The following MITF variants were observed in gnomAD, a reference collection of about 807,000 sequenced individuals.
The protein encoded by MITF is melanocyte inducing transcription factor, also known as microphthalmia-associated transcription factor.
In MITF, 17 loss-of-function variants were observed where a neutral mutation model predicts 60.5. The ratio of observed to expected loss-of-function variants is 0.28; its 90% CI spans 0.19 to 0.42. The LOEUF (loss-of-function observed/expected upper bound fraction) is 0.42, where lower values mean the gene tolerates loss of function less well. Ranked by LOEUF, MITF falls within the 10% of genes least tolerant of loss-of-function variation. The probability of loss-of-function intolerance (pLI) is 1.00; values close to 1 mark genes in which losing one functional copy is unlikely to be tolerated. For synonymous variants in MITF, 260 were observed against 248.5 expected (o/e 1.05, Z -0.43); for missense variants, 622 against 683.5 (o/e 0.91, Z 1.00).
At chr3:69,746,865 T>C (rs1425046462) in intron 1 of MITF, among the ~76,000 whole-genome samples, 1 of 152,232 alleles carries the variant, frequency 6.6e-6, no homozygotes, top group African/African-American at 2.4e-5. Context: ...CCTCCCGTTC[T>C]ATTGCAAATG....
At chr3:69,964,810 T>C (rs1307013384) in intron 9 of MITF, 37 bp from the exon 10 acceptor site, 1 of 1,607,354 alleles carries the variant, frequency 6.2e-7, no homozygotes, top group South Asian at 1.1e-5. Flanking sequence ...CTCTGTGCTC[T>C]GCCTATTTCA....
intron 2 of MITF, among the ~76,000 whole-genome samples, chr3:69,929,484 C>T (rs1366344566): frequency 6.6e-6 from 1 of 152,080 alleles, no homozygotes; most frequent in African/African-American, 2.4e-5. Flanking sequence ...ACACCATACC[C>T]AGAGATTCTG....
chr3:69,798,291 C>T (rs1336898711), intron 1 of MITF, among the ~76,000 whole-genome samples: 1 of 152,172 alleles, frequency 6.6e-6, no homozygotes, highest in Non-Finnish European at 1.5e-5. Flanking sequence ...CCAGGCAGAT[C>T]GACTTTATTG....
At chr3:69,808,786 C>A (rs148691249) in intron 1 of MITF, among the ~76,000 whole-genome samples, 24 of 152,066 alleles carry the variant, frequency 1.6e-4, no homozygotes, top group African/African-American at 5.3e-4. Flanking sequence ...CCATGGGAAG[C>A]CATTACAGAT....
At chr3:69,755,208 A>G (rs184752016) in intron 1 of MITF, among the ~76,000 whole-genome samples, 46 of 152,342 alleles carry the variant, frequency 3.0e-4, no homozygotes, top group African/African-American at 1.1e-3. Context: ...ATAATGAGAT[A>G]CACTAATTGG....
At position 69,750,344 on chromosome 3, in the gene MITF, T is replaced by A. The variant is rs149392318; in HGVS notation, c.104+10643T>A. ...GGTGCTACCACAACAGTAATATAGA[T>A]CTGATAACAAACTTTCTAGAGGAAA... On this transcript the variant is annotated intron_variant, in intron 1 of 9. Transcript: ENST00000352241. Among the ~76,000 whole-genome samples, 1,282 of 151,310 alleles carry A rather than the reference T, an allele frequency of 8.5e-3. 9 individuals are homozygous for A. Among genetic ancestry groups the A allele is most frequent in the Middle Eastern group, 0.014 (4 of 288 alleles).
intron 1 of MITF, among the ~76,000 whole-genome samples, chr3:69,814,167 G>C (rs1312028991): frequency 6.6e-6 from 1 of 151,740 alleles, no homozygotes; most frequent in Non-Finnish European, 1.5e-5. Flanking sequence ...GTATTCTCAG[G>C]TCAAATAGGA....
At chr3:69,875,144 G>T (rs145266884) in intron 1 of MITF, among the ~76,000 whole-genome samples, 6 of 152,280 alleles carry the variant, frequency 3.9e-5, no homozygotes, top group African/African-American at 1.4e-4. Flanking sequence ...CATGCAGCTC[G>T]GCAGTGACTG....
rs142454075 is a variant in MITF at position 69,825,611 on chromosome 3, T to C, written c.105-53523T>C. On this transcript the variant is annotated intron_variant, in intron 1 of 9. Transcript: ENST00000352241. ...TTCCTTCCACCCTCATATCTTGTGA[T>C]AGGGCCATAGCAGTTGTTCTTTTCT... Among the ~76,000 whole-genome samples the C allele has an allele frequency of 1.1e-3, 166 of 152,318 alleles. No homozygotes were observed. In the Middle Eastern group the frequency reaches 0.017, roughly 16 times the overall value.
chr3:69,892,768 T>C (rs2064787516), intron 2 of MITF, among the ~76,000 whole-genome samples: 1 of 152,238 alleles, frequency 6.6e-6, no homozygotes, highest in Admixed American at 6.5e-5. Flanking sequence ...CCCCCAGCAG[T>C]AGGCCCTTCA....
At chr3:69,781,909 C>G (rs935271426) in intron 1 of MITF, among the ~76,000 whole-genome samples, 5 of 152,212 alleles carry the variant, frequency 3.3e-5, no homozygotes, top group African/African-American at 9.6e-5. Flanking sequence ...TTACTGAGCT[C>G]TGTTCCTGAA....
rs141158074 is a variant in MITF at position 69,762,486 on chromosome 3, G to C, written c.104+22785G>C. Among the ~76,000 whole-genome samples the C allele has an allele frequency of 2.1e-3, 324 of 152,328 alleles. 2 individuals are homozygous for C. The highest frequency in any genetic ancestry group is 7.1e-3 in the African/African-American group (295 of 41,574). On this transcript the variant is annotated intron_variant, in intron 1 of 9. Coordinates refer to ENST00000352241, the MANE Select transcript of MITF (RefSeq NM_001354604.2). ...AAGAAATGTTTAAGATTTCCATTGA[G>C]ATATTATCGACAGGGACTCCTGGGC...
At chr3:69,786,144 C>T (rs1044839056) in intron 1 of MITF, among the ~76,000 whole-genome samples, 2 of 152,178 alleles carry the variant, frequency 1.3e-5, no homozygotes, top group African/African-American at 4.8e-5. Flanking sequence ...GTGGAGTGAG[C>T]TTTGCCAAAG....
chr3:69,853,201 C>G (rs2063855564), intron 1 of MITF, among the ~76,000 whole-genome samples: 1 of 151,794 alleles, frequency 6.6e-6, no homozygotes, highest in Non-Finnish European at 1.5e-5. Flanking sequence ...CAGAGTTTCA[C>G]CATGTCAGAA....
At chr3:69,847,052 T>C (rs966129422) in intron 1 of MITF, among the ~76,000 whole-genome samples, 3 of 152,156 alleles carry the variant, frequency 2.0e-5, no homozygotes, top group African/African-American at 7.2e-5. Flanking sequence ...GACTGTTTCC[T>C]CTTGAGGGCA....
At chr3:69,855,987 T>A (rs1476552017) in intron 1 of MITF, among the ~76,000 whole-genome samples, 1 of 152,216 alleles carries the variant, frequency 6.6e-6, no homozygotes. Flanking sequence ...ACTTTTTCTG[T>A]ATGGAATCAT....
chr3:69,877,812 G>GGT (rs1174269535), intron 1 of MITF, among the ~76,000 whole-genome samples: 1 of 152,002 alleles, frequency 6.6e-6, no homozygotes, highest in African/African-American at 2.4e-5. Flanking sequence ...TTTATTAGAA[G>GGT]GTAAAAGATA....
rs1212921931 is a variant in MITF at position 69,965,881 on chromosome 3, C to A, written c.*633C>A. The A allele has an allele frequency of 4.3e-6, 1 of 230,418 alleles. No individual in the cohort carries two copies. Among genetic ancestry groups the A allele is most frequent in the Non-Finnish European group, 8.6e-6 (1 of 116,670 alleles). 14.3% of individuals were successfully genotyped at this position (230,418 alleles called of 1,614,324 possible). A position where few individuals can be genotyped will look rare whatever the true frequency, so the allele number is the denominator to read the frequency against. ...AAAACATAACTGATACCAACCGAAA[C>A]TGAAGGGAGTTAGACCAAGGCTCTG... On this transcript the variant is annotated 3_prime_UTR_variant, in exon 10 of 10. Coordinates refer to ENST00000352241, the MANE Select transcript of MITF (RefSeq NM_001354604.2).
At chr3:69,809,785 G>A (rs1415420758) in intron 1 of MITF, among the ~76,000 whole-genome samples, 1 of 151,924 alleles carries the variant, frequency 6.6e-6, no homozygotes, top group Non-Finnish European at 1.5e-5. Flanking sequence ...TGCCTTTATT[G>A]ATCTACATGG....
Sources: gnomAD v4.1 joint callset for allele counts (sites outside exome capture counted in the v4.1 genomes callset) on GRCh38, gnomAD v4.1.1 for gene constraint, MANE v1.5 for transcripts, NCBI Gene and HGNC (gene_info 2026-07-23, HGNC 2026-07-21) for gene names.